Variants in CFAP52 observed in about 807,000 individuals in gnomAD.
CFAP52 encodes cilia- and flagella-associated protein 52.
A neutral mutation model predicts 70.5 loss-of-function variants in CFAP52; 57 were observed. That is an observed-to-expected ratio of 0.81 (90% CI 0.65 to 1.01). The LOEUF is 1.01. CFAP52 is among the 50% of genes least tolerant of loss of function. The probability of loss-of-function intolerance (pLI) is 0.00; values close to 1 mark genes in which losing one functional copy is unlikely to be tolerated. For missense variants in CFAP52, 785 were observed against 788.5 expected, an observed-to-expected ratio of 1.00 and a Z score of 0.05; for synonymous variants, 267 against 292.5, an observed-to-expected ratio of 0.91 and a Z score of 0.89.
intron 13 of CFAP52, among the ~76,000 whole-genome samples, chr17:9,642,532 G>A (rs1390125006): frequency 2.0e-5 from 3 of 152,222 alleles, no homozygotes; most frequent in East Asian, 1.9e-4. Context: ...GCTGAGACAG[G>A]AGAATTGCTT....
intron 1 of CFAP52, among the ~76,000 whole-genome samples, chr17:9,578,153 A>G (rs1908050553): frequency 6.6e-6 from 1 of 152,260 alleles, no homozygotes; most frequent in Non-Finnish European, 1.5e-5. Context: ...AGGAGGAGCT[A>G]TGAATACTCA....
At chr17:9,604,066 T>A (rs1302410436) in intron 6 of CFAP52, among the ~76,000 whole-genome samples, 1 of 152,170 alleles carries the variant, frequency 6.6e-6, no homozygotes, top group Non-Finnish European at 1.5e-5. Context: ...ATCGTCTTTT[T>A]AATAAATAAT....
chr17:9,632,505 T>C (rs893972176), intron 9 of CFAP52, among the ~76,000 whole-genome samples: 4 of 152,280 alleles, frequency 2.6e-5, no homozygotes, highest in South Asian at 4.1e-4. Context: ...AAGCATAAGC[T>C]GTTATCACAA....
rs1429169564 is a variant in CFAP52 at position 9,586,664 on chromosome 17, T to G, written c.271-34T>G. On this transcript the variant is annotated intron_variant, in intron 2 of 13. Transcript: ENST00000352665. ...TATCTCCTCAGATGCTTTTAATGCCTCCCTATGATCTGACGGTGTGTTCTT... is the reference window on the plus strand; with the variant it reads ...TATCTCCTCAGATGCTTTTAATGCCGCCCTATGATCTGACGGTGTGTTCTT... 7 of 1,564,378 alleles carry G rather than the reference T, an allele frequency of 4.5e-6. No individual in the cohort carries two copies. In the East Asian group the frequency reaches 1.6e-4, roughly 36 times the overall value.
intron 8 of CFAP52, among the ~76,000 whole-genome samples, chr17:9,616,980 C>T (rs943644962): frequency 7.5e-5 from 6 of 79,504 alleles, no homozygotes; most frequent in East Asian, 4.6e-4. Context: ...TCACCAGCAA[C>T]GGAACAAAGC....
chr17:9,627,854 A>G (rs1217236593), intron 8 of CFAP52, among the ~76,000 whole-genome samples: 1 of 151,994 alleles, frequency 6.6e-6, no homozygotes, highest in East Asian at 1.9e-4. Context: ...CTAAGAAGCC[A>G]GGACCACAGG....
intron 11 of CFAP52, among the ~76,000 whole-genome samples, chr17:9,636,255 A>AAGAAAGAAAGAAAG (rs1910800635): frequency 6.9e-6 from 1 of 144,172 alleles, no homozygotes; most frequent in African/African-American, 2.6e-5. Context: ...AAGAAAGAGA[A>AAGAAAGAAAGAAAG]AGAAAAATAA....
At chr17:9,640,732 C>T (rs1911014775) in intron 12 of CFAP52, among the ~76,000 whole-genome samples, 1 of 152,106 alleles carries the variant, frequency 6.6e-6, no homozygotes, top group Admixed American at 6.6e-5. Context: ...CAACTTTCAC[C>T]TCCTGGGTAC....
downstream of CFAP52, among the ~76,000 whole-genome samples, chr17:9,644,186 G>A (rs577581782): frequency 6.0e-4 from 91 of 152,234 alleles, no homozygotes; most frequent in African/African-American, 2.0e-3. Context: ...GCAATGGCGC[G>A]ATCTCGGCTC....
chr17:9,597,213 G>C (rs1909055695), intron 4 of CFAP52, among the ~76,000 whole-genome samples: 1 of 152,074 alleles, frequency 6.6e-6, no homozygotes, highest in African/African-American at 2.4e-5. Context: ...CATCAGGTTT[G>C]TCCATGTTGT....
At chr17:9,638,969 G>C (rs1306274975) in intron 12 of CFAP52, 1 of 479,824 alleles carries the variant, frequency 2.1e-6, no homozygotes, top group Non-Finnish European at 3.8e-6. Context: ...ATAGCAGGGG[G>C]TCTGGCACAT....
At chr17:9,586,943 T>G (rs888746117) in intron 3 of CFAP52, 109 bp downstream of exon 3, 5 of 1,299,502 alleles carry the variant, frequency 3.8e-6, no homozygotes, top group Non-Finnish European at 5.1e-6. Flanking sequence ...TGTCACGGGT[T>G]TGTTGTACAG....
chr17:9,642,829 G>A (rs1032184333), intron 13 of CFAP52, among the ~76,000 whole-genome samples, 194 bp from the exon 14 acceptor site: 1 of 152,136 alleles, frequency 6.6e-6, no homozygotes, highest in Non-Finnish European at 1.5e-5. Context: ...GGGATGAAAT[G>A]TGATTTTACC....
At chr17:9,632,795 A>C (rs1597794541) in intron 9 of CFAP52, 93 bp from the exon 10 acceptor site, 1 of 1,530,586 alleles carries the variant, frequency 6.5e-7, no homozygotes, top group Admixed American at 1.9e-5. Flanking sequence ...AGCACCACTC[A>C]CCAGGCCTGC....
chr17:9,596,059 G>GTGTGTGTATGTATATATATA, intron 4 of CFAP52, among the ~76,000 whole-genome samples: 1 of 85,206 alleles, frequency 1.2e-5, no homozygotes, highest in Non-Finnish European at 2.3e-5. Flanking sequence ...ATATGTGTGT[G>GTGTGTGTATGTATATATATA]TATATATATA....
At position 9,584,163 on chromosome 17, in the gene CFAP52, T is replaced by G. The variant is rs531231654; in HGVS notation, c.71-1610T>G. The G allele has an allele frequency of 4.2e-6, 5 of 1,195,396 alleles. No individual in the cohort carries two copies. In the East Asian group the frequency reaches 3.0e-4, roughly 73 times the overall value. The allele number at this position is 1,195,396 out of a possible 1,614,324, so 74.0% of individuals were successfully genotyped here. A position where few individuals can be genotyped will look rare whatever the true frequency, so the allele number is the denominator to read the frequency against. On this transcript the variant is annotated intron_variant, in intron 1 of 13. Transcript: ENST00000352665. ...CCCAGAGTTGTTGGTCATTGTATTTTCTTTTATTTTTGCTGAAGGTCCTGT... is the reference window on the plus strand; with the variant it reads ...CCCAGAGTTGTTGGTCATTGTATTTGCTTTTATTTTTGCTGAAGGTCCTGT...
At chr17:9,624,393 T>G (rs1451320774) in intron 8 of CFAP52, among the ~76,000 whole-genome samples, 1 of 152,148 alleles carries the variant, frequency 6.6e-6, no homozygotes, top group Non-Finnish European at 1.5e-5. Context: ...GTAATCTCTA[T>G]TAAATCTACC....
chr17:9,628,935 C>T (rs2151947885), intron 9 of CFAP52, 115 bp downstream of exon 9: 2 of 1,442,314 alleles, frequency 1.4e-6, no homozygotes, highest in East Asian at 4.6e-5. Flanking sequence ...CTCCCACTGT[C>T]CACCCCCTTC....
At chr17:9,605,836 T>C (rs558383072) in intron 6 of CFAP52, among the ~76,000 whole-genome samples, 5 of 152,126 alleles carry the variant, frequency 3.3e-5, no homozygotes, top group Non-Finnish European at 7.4e-5. Context: ...TATATGTTGC[T>C]ATTAATTTGT....
Sources: gnomAD v4.1 joint callset for allele counts (sites outside exome capture counted in the v4.1 genomes callset) on GRCh38, gnomAD v4.1.1 for gene constraint, MANE v1.5 for transcripts, NCBI Gene and HGNC (gene_info 2026-07-23, HGNC 2026-07-21) for gene names.